Variants in FAF1 observed in about 807,000 individuals in gnomAD.
FAF1 encodes the protein Fas associated factor 1.
Under a neutral mutation model 92.5 loss-of-function variants are expected in FAF1, and 25 were observed. The ratio of observed to expected loss-of-function variants is 0.27; its 90% confidence interval spans 0.20 to 0.38. FAF1 has a LOEUF of 0.38. Among genes scored for constraint, FAF1 ranks in the 10% least tolerant of loss-of-function variants. The pLI, the probability that FAF1 is intolerant of heterozygous loss-of-function variation, is 1.00. For missense variants in FAF1, 636 were observed against 793.3 expected (o/e 0.80, Z 2.38); for synonymous variants, 234 against 273.2 (o/e 0.86, Z 1.42).
At chr1:50,623,515 A>C (rs925272971) in intron 8 of FAF1, among the ~76,000 whole-genome samples, 1 of 151,850 alleles carries the variant, frequency 6.6e-6, no homozygotes, top group African/African-American at 2.4e-5. Context: ...GGCAAGTTGC[A>C]GTGAGCTGAG....
chr1:50,556,194 C>T (rs931823479), intron 13 of FAF1, among the ~76,000 whole-genome samples: 1 of 143,452 alleles, frequency 7.0e-6, no homozygotes, highest in African/African-American at 2.6e-5. Flanking sequence ...GCCAAGATCG[C>T]GCCACTGCAC....
At chr1:50,678,365 A>G (rs1656242308) in intron 7 of FAF1, among the ~76,000 whole-genome samples, 1 of 152,224 alleles carries the variant, frequency 6.6e-6, no homozygotes, top group South Asian at 2.1e-4. Context: ...AAAAGTGGTT[A>G]TATCACACAG....
intron 15 of FAF1, among the ~76,000 whole-genome samples, chr1:50,511,161 G>A (rs1195974001): frequency 6.6e-6 from 1 of 152,162 alleles, no homozygotes. Flanking sequence ...ATTAGTGATG[G>A]CAGTTGAGGC....
At chr1:50,815,503 T>A (rs1477982284) in intron 2 of FAF1, among the ~76,000 whole-genome samples, 3 of 152,236 alleles carry the variant, frequency 2.0e-5, no homozygotes, top group African/African-American at 7.2e-5. Flanking sequence ...TTCGCTATGG[T>A]GAATACTGCT....
chr1:50,876,422 G>A (rs995301823), intron 1 of FAF1, among the ~76,000 whole-genome samples: 1 of 152,074 alleles, frequency 6.6e-6, no homozygotes, highest in African/African-American at 2.4e-5. Flanking sequence ...TATACAAGAC[G>A]AACCTGGAAC....
chr1:50,959,761 C>A lies in FAF1; in HGVS notation c.45+6G>T. ...AGTGGGAGGGGAAGAGGGCCAGATA[C>A]TTCACCTGAAAATCCGCCAGGATCA... is the stretch of plus-strand genomic sequence containing the variant. On this transcript the variant is annotated splice_donor_region_variant and intron_variant, in intron 1 of 18. Coordinates refer to ENST00000396153, the MANE Select transcript of FAF1 (RefSeq NM_007051.3). The A allele has an allele frequency of 6.2e-7, 1 of 1,601,558 alleles. No homozygotes were observed. Among genetic ancestry groups the A allele is most frequent in the Non-Finnish European group, 8.5e-7 (1 of 1,173,426 alleles).
chr1:50,867,276 C>G (rs1644489270), intron 1 of FAF1, among the ~76,000 whole-genome samples: 1 of 152,122 alleles, frequency 6.6e-6, no homozygotes, highest in South Asian at 2.1e-4. Context: ...TTGGCTTAGG[C>G]AAAGACTTCA....
intron 6 of FAF1, among the ~76,000 whole-genome samples, chr1:50,709,958 C>T (rs756318141): frequency 6.6e-6 from 1 of 152,018 alleles, no homozygotes; most frequent in Non-Finnish European, 1.5e-5. Context: ...AGTTCAGAAA[C>T]GACGATGGGG....
rs553286266 is a variant in FAF1 at position 50,790,780 on chromosome 1, AATATTT to A, written c.162-2581_162-2576del. ...AATTGTTCATACAATTAAGCAGAAA[AATATTT>A]ATATTTATATTTATTTTATATTTAA... On this transcript the variant is annotated intron_variant, in intron 3 of 18. Transcript: ENST00000396153. Among the ~76,000 whole-genome samples, 38 of 151,946 alleles carry A rather than the reference AATATTT, an allele frequency of 2.5e-4. 2 individuals carry two copies. The South Asian group carries it at 6.8e-3, about 27-fold the overall frequency.
intron 1 of FAF1, among the ~76,000 whole-genome samples, chr1:50,921,228 C>A (rs574498821): frequency 4.5e-4 from 69 of 152,342 alleles, no homozygotes; most frequent in African/African-American, 1.5e-3. Context: ...TAGGGACCGA[C>A]CTGCCCCACC....
At chr1:50,936,342 A>T (rs1557595939) in intron 1 of FAF1, among the ~76,000 whole-genome samples, 1 of 152,200 alleles carries the variant, frequency 6.6e-6, no homozygotes, top group Admixed American at 6.5e-5. Context: ...CTATTTTTTT[A>T]AAAAAGAAGA....
chr1:50,527,797 G>T (rs1375322228), intron 15 of FAF1, among the ~76,000 whole-genome samples: 1 of 138,044 alleles, frequency 7.2e-6, no homozygotes, highest in African/African-American at 2.7e-5. Context: ...TTTAACCCAA[G>T]AACTTACTCT....
chr1:50,614,449 A>T (rs1652816955), intron 8 of FAF1, among the ~76,000 whole-genome samples: 1 of 152,246 alleles, frequency 6.6e-6, no homozygotes. Context: ...GTGTAAAAAA[A>T]CAAAAACTGC....
At chr1:50,588,859 C>A (rs1651368318) in intron 9 of FAF1, among the ~76,000 whole-genome samples, 1 of 152,188 alleles carries the variant, frequency 6.6e-6, no homozygotes, top group African/African-American at 2.4e-5. Context: ...ATGCCTCTGG[C>A]AGCAGATCCA....
intron 6 of FAF1, among the ~76,000 whole-genome samples, chr1:50,726,558 G>A (rs1658665951): frequency 6.6e-6 from 1 of 151,812 alleles, no homozygotes; most frequent in African/African-American, 2.4e-5. Context: ...GGCTGGGTGT[G>A]GCAGCTCACG....
chr1:50,580,778 CT>C (rs1650954396), intron 12 of FAF1, among the ~76,000 whole-genome samples: 1 of 152,026 alleles, frequency 6.6e-6, no homozygotes, highest in South Asian at 2.1e-4. Flanking sequence ...TCGGTATTTT[CT>C]TTTTTCCTTC....
chr1:50,704,537 G>C (rs1433626151), intron 7 of FAF1, among the ~76,000 whole-genome samples: 1 of 152,026 alleles, frequency 6.6e-6, no homozygotes, highest in Admixed American at 6.6e-5. Flanking sequence ...ATAACTCGGA[G>C]ATGGAGCCAC....
chr1:50,447,647 C>CTGTAA (rs1263568803), intron 18 of FAF1, among the ~76,000 whole-genome samples: 1 of 152,230 alleles, frequency 6.6e-6, no homozygotes, highest in Non-Finnish European at 1.5e-5. Flanking sequence ...GGCAGAAAAT[C>CTGTAA]TGTAAGTCTC....
At chr1:50,598,489 TAA>T (rs1651938496) in intron 8 of FAF1, among the ~76,000 whole-genome samples, 1 of 140,544 alleles carries the variant, frequency 7.1e-6, no homozygotes, top group Non-Finnish European at 1.5e-5. Flanking sequence ...AAAAAAAGGC[TAA>T]GTTTTCTGTT....
Sources: allele counts gnomAD v4.1 joint callset (sites outside exome capture counted in the v4.1 genomes callset), GRCh38; gene constraint gnomAD v4.1.1; transcripts MANE v1.5; gene names NCBI Gene and HGNC (gene_info 2026-07-23, HGNC 2026-07-21).